The following TCERG1L variants were observed in gnomAD, a reference collection of about 807,000 sequenced individuals.
The protein encoded by TCERG1L is transcription elongation regulator 1 like.
A neutral mutation model predicts 56.3 loss-of-function variants in TCERG1L; 37 were observed. The ratio of observed to expected loss-of-function variants is 0.66; its 90% CI spans 0.51 to 0.87. TCERG1L has a LOEUF of 0.87. TCERG1L is among the 40% of genes least tolerant of loss of function. TCERG1L has a pLI of 0.00. For missense variants in TCERG1L, 799 were observed against 774.2 expected (o/e 1.03, Z -0.38); for synonymous variants, 324 against 326.3 (o/e 0.99, Z 0.08).
intron 4 of TCERG1L, among the ~76,000 whole-genome samples, chr10:131,178,912 C>T (rs930304486): frequency 3.3e-5 from 5 of 152,222 alleles, no homozygotes; most frequent in African/African-American, 1.2e-4. Context: ...AAAGCGGTTC[C>T]AGCAGAGCCC....
chr10:131,139,410 G>A (rs141783129), intron 7 of TCERG1L, among the ~76,000 whole-genome samples: 236 of 152,322 alleles, frequency 1.5e-3, no homozygotes, highest in African/African-American at 5.6e-3. Flanking sequence ...GGCAAGGGTA[G>A]GGGGACAGGA....
At chr10:131,136,937 C>T (rs1462772200) in intron 7 of TCERG1L, among the ~76,000 whole-genome samples, 3 of 151,450 alleles carry the variant, frequency 2.0e-5, no homozygotes, top group African/African-American at 4.8e-5. Flanking sequence ...GTCAGGAGTT[C>T]GAGACCAGCC....
At chr10:131,237,742 G>A (rs960339554) in intron 4 of TCERG1L, among the ~76,000 whole-genome samples, 1 of 152,166 alleles carries the variant, frequency 6.6e-6, no homozygotes, top group Non-Finnish European at 1.5e-5. Flanking sequence ...GGTGGAAAAT[G>A]TCAACTCCAT....
At chr10:131,226,808 G>A (rs1034679461) in intron 4 of TCERG1L, among the ~76,000 whole-genome samples, 20 of 152,268 alleles carry the variant, frequency 1.3e-4, no homozygotes, top group African/African-American at 4.6e-4. Flanking sequence ...TTGCCTGGGG[G>A]CAGACGGACA....
chr10:131,198,872 T>G (rs1051960288), intron 4 of TCERG1L, among the ~76,000 whole-genome samples: 1 of 152,252 alleles, frequency 6.6e-6, no homozygotes, highest in African/African-American at 2.4e-5. Flanking sequence ...CCCGTGCACC[T>G]GCAGAGGCAG....
intron 8 of TCERG1L, among the ~76,000 whole-genome samples, chr10:131,131,099 G>T (rs558080208): frequency 1.3e-5 from 2 of 152,312 alleles, no homozygotes; most frequent in Non-Finnish European, 2.9e-5. Context: ...GATGACTTAA[G>T]AAAATATATT....
At chr10:131,174,728 G>T (rs2996078) in intron 4 of TCERG1L, among the ~76,000 whole-genome samples, 146,278 of 152,252 alleles carry the variant, frequency 0.96, 70,555 homozygotes, top group East Asian at 1. Flanking sequence ...ATCCTGAATT[G>T]CCCCTTGCAA....
chr10:131,199,117 C>T (rs1339845949), intron 4 of TCERG1L, among the ~76,000 whole-genome samples: 3 of 152,184 alleles, frequency 2.0e-5, no homozygotes, highest in Non-Finnish European at 4.4e-5. Context: ...CTGTGAAGGA[C>T]TTGGCAGCCC....
At chr10:131,221,305 T>C (rs1320796850) in intron 4 of TCERG1L, among the ~76,000 whole-genome samples, 1 of 151,990 alleles carries the variant, frequency 6.6e-6, no homozygotes, top group Non-Finnish European at 1.5e-5. Flanking sequence ...ACCGGTGGAG[T>C]GGGAGAGACT....
chr10:131,309,003 A>C (rs1846846692), intron 2 of TCERG1L, 150 bp downstream of exon 2: 1 of 904,950 alleles, frequency 1.1e-6, no homozygotes. Flanking sequence ...TTTTGAACAA[A>C]TCAATCTAAT....
intron 8 of TCERG1L, among the ~76,000 whole-genome samples, chr10:131,119,686 A>G (rs753998006): frequency 5.3e-5 from 8 of 152,228 alleles, no homozygotes; most frequent in Non-Finnish European, 1.2e-4. Flanking sequence ...CTAGCTAAAT[A>G]TATTTTTGAT....
In TCERG1L at chr10:131,275,619, C is replaced by T. The variant is rs141287082; in HGVS notation, c.671-15175G>A. ...GGGGGAAAAGGCAAGCAGCAGTTTC[C>T]ATCATTAAGAAACAATGGACGGGTT... On this transcript the variant is annotated intron_variant, in intron 3 of 11. Coordinates refer to ENST00000368642, the MANE Select transcript of TCERG1L (RefSeq NM_174937.4). 2.7e-3 allele frequency among the ~76,000 whole-genome samples: 406 copies of T among 152,242 alleles called. 2 individuals carry two copies. Among genetic ancestry groups the T allele is most frequent in the African/African-American group, 9.4e-3 (391 of 41,530 alleles).
chr10:131,236,557 T>C (rs572139095), intron 4 of TCERG1L, among the ~76,000 whole-genome samples: 4 of 152,298 alleles, frequency 2.6e-5, no homozygotes, highest in East Asian at 1.9e-4. Flanking sequence ...CTGAATCTTG[T>C]GGCACATCCC....
chr10:131,282,985 T>A (rs182415322), intron 3 of TCERG1L, among the ~76,000 whole-genome samples: 2 of 152,364 alleles, frequency 1.3e-5, no homozygotes, highest in East Asian at 3.9e-4. Flanking sequence ...TCAGTAGGAA[T>A]CTATTGAATC....
At chr10:131,231,467 C>T (rs745953895) in intron 4 of TCERG1L, among the ~76,000 whole-genome samples, 1 of 152,190 alleles carries the variant, frequency 6.6e-6, no homozygotes, top group Non-Finnish European at 1.5e-5. Flanking sequence ...GCCCTGGAGC[C>T]GGCTGGCATC....
intron 3 of TCERG1L, among the ~76,000 whole-genome samples, chr10:131,289,142 T>C (rs1057163909): frequency 1.8e-5 from 2 of 109,766 alleles, no homozygotes; most frequent in African/African-American, 7.1e-5. Context: ...GTAAAAGTCT[T>C]GATTTTTTTT....
intron 7 of TCERG1L, among the ~76,000 whole-genome samples, chr10:131,140,020 C>T (rs1043063199): frequency 2.6e-5 from 4 of 152,138 alleles, no homozygotes; most frequent in African/African-American, 9.7e-5. Flanking sequence ...TGTCAGTCTT[C>T]TTAGAGAGGG....
At chr10:131,285,608 C>T (rs1487194143) in intron 3 of TCERG1L, among the ~76,000 whole-genome samples, 3 of 151,924 alleles carry the variant, frequency 2.0e-5, no homozygotes, top group Non-Finnish European at 4.4e-5. Flanking sequence ...AGGGCAGCTT[C>T]ACACAAGAAC....
At chr10:131,108,462 G>C (rs1845376364) in intron 9 of TCERG1L, among the ~76,000 whole-genome samples, 1 of 56,384 alleles carries the variant, frequency 1.8e-5, no homozygotes, top group African/African-American at 6.1e-5. Context: ...CAGATGATTT[G>C]CTGCTCATCT....
Sources: gnomAD v4.1 joint callset for allele counts (sites outside exome capture counted in the v4.1 genomes callset) on GRCh38, gnomAD v4.1.1 for gene constraint, MANE v1.5 for transcripts, NCBI Gene and HGNC (gene_info 2026-07-23, HGNC 2026-07-21) for gene names.